ANK3: variants seen among roughly 807,000 people sequenced by gnomAD.
ANK3 encodes ankyrin-3.
In ANK3, 57 loss-of-function variants were observed where a neutral mutation model predicts 370.9. The observed-to-expected ratio is 0.15, with a 90% CI of 0.12 to 0.19. The LOEUF (loss-of-function observed/expected upper bound fraction) is 0.19. Among genes scored for constraint, ANK3 ranks in the 10% least tolerant of loss-of-function variants. The probability of loss-of-function intolerance (pLI) is 1.00; values close to 1 mark genes in which losing one functional copy is unlikely to be tolerated. For missense variants in ANK3, 4,439 were observed against 5,302.1 expected (o/e 0.84, Z 5.06); for synonymous variants, 1,929 against 1,946.3 (o/e 0.99, Z 0.23).
At position 60,520,978 on chromosome 10, in the gene ANK3, C is replaced by G. The variant is rs562411554; in HGVS notation, c.96+94208G>C. ...TTGATTCATAGACTAGCTCAGCACT[C>G]TATCTTGAGTACTGTTTCAGCAGCC... On this transcript the variant is annotated intron_variant, in intron 2 of 43. Transcript: ENST00000373827. Among the ~76,000 whole-genome samples the G allele has an allele frequency of 5.3e-5, 8 of 151,914 alleles. No individual in the cohort carries two copies. The South Asian group carries it at 1.7e-3, about 32-fold the overall frequency.
At chr10:60,402,108 C>T (rs1377189014) in intron 2 of ANK3, among the ~76,000 whole-genome samples, 1 of 152,052 alleles carries the variant, frequency 6.6e-6, no homozygotes, top group Non-Finnish European at 1.5e-5. Flanking sequence ...TTATTTAAAA[C>T]CCAAGCTGTT....
intron 25 of ANK3, among the ~76,000 whole-genome samples, chr10:60,124,011 C>G (rs2093631624): frequency 6.6e-6 from 1 of 152,176 alleles, no homozygotes; most frequent in African/African-American, 2.4e-5. Flanking sequence ...ATCTCCATTT[C>G]TGCATTAGGG....
chr10:60,129,403 GC>G (rs1454236646), intron 25 of ANK3, among the ~76,000 whole-genome samples: 1 of 152,022 alleles, frequency 6.6e-6, no homozygotes, highest in Non-Finnish European at 1.5e-5. Context: ...AGAATTGCAT[GC>G]CCAGTCTCTA....
At chr10:60,126,680 T>C (rs1234192044) in intron 25 of ANK3, among the ~76,000 whole-genome samples, 2 of 141,404 alleles carry the variant, frequency 1.4e-5, no homozygotes, top group South Asian at 2.3e-4. Context: ...AGAGTGAGAC[T>C]CCGTCTCAAA....
chr10:60,263,723 A>G (rs1566080602), intron 6 of ANK3, 112 bp downstream of exon 6: 19 of 1,217,000 alleles, frequency 1.6e-5, no homozygotes, highest in South Asian at 4.3e-5. Flanking sequence ...CCTCCCTTCA[A>G]TGAAGTTAAA....
chr10:60,506,521 T>C (rs2075945882), intron 2 of ANK3, among the ~76,000 whole-genome samples: 1 of 152,144 alleles, frequency 6.6e-6, no homozygotes, highest in Non-Finnish European at 1.5e-5. Flanking sequence ...CCTTTAAGTT[T>C]CACGGGCTTC....
At chr10:60,669,979 T>A (rs2079045767) in intron 1 of ANK3, among the ~76,000 whole-genome samples, 1 of 152,106 alleles carries the variant, frequency 6.6e-6, no homozygotes, top group Non-Finnish European at 1.5e-5. Flanking sequence ...CAAGGCACCA[T>A]GCCCAGCTAC....
intron 1 of ANK3, among the ~76,000 whole-genome samples, chr10:60,384,637 A>G (rs927422771): frequency 9.9e-5 from 15 of 152,242 alleles, no homozygotes; most frequent in Admixed American, 2.6e-4. Context: ...CTTGTCTGTA[A>G]GATGGGGATA....
chr10:60,197,861 A>G (rs1279685159), intron 14 of ANK3, among the ~76,000 whole-genome samples: 1 of 152,226 alleles, frequency 6.6e-6, no homozygotes, highest in Non-Finnish European at 1.5e-5. Flanking sequence ...CAGAGTTGAG[A>G]TAAAAATAAA....
intron 2 of ANK3, among the ~76,000 whole-genome samples, chr10:60,403,878 C>T (rs1387184555): frequency 1.3e-5 from 2 of 152,078 alleles, no homozygotes. Flanking sequence ...ACTCCTAGAA[C>T]TAAAAAGTGT....
chr10:60,164,995 C>T lies in ANK3; in HGVS notation c.2614+1596G>A, dbSNP rs10994232. The stretch of plus-strand genomic sequence containing the variant: ...GATAAACACATTTCTAGTTAAGTAA[C>T]GAGGTCAATTAAATTCAAATTTCGA... On this transcript the variant is annotated intron_variant, in intron 23 of 43. Coordinates refer to ENST00000280772, the MANE Select transcript of ANK3 (RefSeq NM_020987.5). 7.4e-3 allele frequency among the ~76,000 whole-genome samples: 1,133 copies of T among 152,200 alleles called. 16 individuals are homozygous for T. Among genetic ancestry groups the T allele is most frequent in the African/African-American group, 0.026 (1,076 of 41,530 alleles).
chr10:60,616,084 A>G lies in ANK3; in HGVS notation c.58-860T>C, dbSNP rs142228945. Among the ~76,000 whole-genome samples, 918 of 152,278 alleles carry G rather than the reference A, an allele frequency of 6.0e-3. 11 individuals carry two copies. Among genetic ancestry groups the G allele is most frequent in the Non-Finnish European group, 8.3e-3 (562 of 67,996 alleles). On this transcript the variant is annotated intron_variant, in intron 1 of 43. Transcript: ENST00000373827. ...TCTATCAAAGGCTATTCAAATTGAC[A>G]CCATAAAAATTATTTCATCTTGTCA...
intron 8 of ANK3, among the ~76,000 whole-genome samples, chr10:60,229,910 A>G (rs1038415387): frequency 6.6e-6 from 1 of 152,178 alleles, no homozygotes; most frequent in Non-Finnish European, 1.5e-5. Context: ...TTTGCAAATA[A>G]TACTGTGGTA....
At chr10:60,162,261 T>C (rs901340392) in intron 23 of ANK3, among the ~76,000 whole-genome samples, 2 of 152,188 alleles carry the variant, frequency 1.3e-5, no homozygotes, top group African/African-American at 4.8e-5. Flanking sequence ...TACAGATCTA[T>C]GTGTTCCTTC....
rs1273436990 is a variant in ANK3 at position 60,071,547 on chromosome 10, C to G, written c.9334G>C (p.Gly3112Arg). The G allele has an allele frequency of 1.2e-6, 2 of 1,613,790 alleles. No homozygotes were observed. The highest frequency in any genetic ancestry group is 1.7e-5 in the Admixed American group (1 of 59,962). The change falls in exon 37 of 44, where the codon GGA (glycine) becomes CGA (arginine). Residue 3112 changes from glycine to arginine, a missense_variant. Transcript: ENST00000280772. ...TGACTTATGATTTTTTTTACACCTC[C>G]TTGTTGTATCTCCTTTTCATATTGC... ...GKQYEKEIQQ[G>R]GVKKIISQEC...
At chr10:60,625,321 A>T (rs1365085224) in intron 1 of ANK3, among the ~76,000 whole-genome samples, 2 of 152,202 alleles carry the variant, frequency 1.3e-5, no homozygotes, top group African/African-American at 2.4e-5. Context: ...ATTGTTGTTT[A>T]AGCCACTGTG....
chr10:60,449,797 C>A (rs6479713), intron 2 of ANK3, among the ~76,000 whole-genome samples: 35,775 of 152,064 alleles, frequency 0.24, 4,343 homozygotes, highest in South Asian at 0.33. Flanking sequence ...AGAAATAAGA[C>A]AACTCCATAT....
chr10:60,070,221 C>T lies in ANK3; in HGVS notation c.10660G>A (p.Val3554Ile). ...PWSNNRGDDE[V>I]FDSKSREDET... ...TCTTCCCGTGATTTACTGTCAAAAACTTCATCATCCCCTCGGTTATTAGAC... is the reference window on the plus strand; with the variant it reads ...TCTTCCCGTGATTTACTGTCAAAAATTTCATCATCCCCTCGGTTATTAGAC... Residue 3554 changes from valine to isoleucine, a missense_variant, in exon 37 of 44, where the codon GTT (valine) becomes ATT (isoleucine). Val to Ile is a conservative substitution (Grantham distance 29). Transcript: ENST00000280772. This position sits in a 1 kb window ranked among gnomAD's most constrained non-coding sequence, Gnocchi z 5.7. The T allele has an allele frequency of 6.2e-7, 1 of 1,614,126 alleles. No individual in the cohort carries two copies. Among genetic ancestry groups the T allele is most frequent in the Admixed American group, 1.7e-5 (1 of 60,006 alleles).
chr10:60,331,501 T>G (rs1330305809), intron 1 of ANK3, among the ~76,000 whole-genome samples: 4 of 151,868 alleles, frequency 2.6e-5, no homozygotes, highest in Non-Finnish European at 5.9e-5. Context: ...ATGGGATTGA[T>G]TAAATTTTTT....
Sources: gnomAD v4.1 joint callset for allele counts (sites outside exome capture counted in the v4.1 genomes callset) on GRCh38, gnomAD v4.1.1 for gene constraint, Gnocchi (gnomAD v3.1) non-coding constraint, MANE v1.5 for transcripts, NCBI Gene and HGNC (gene_info 2026-07-23, HGNC 2026-07-21) for gene names.